LRRTM4: variants seen among roughly 807,000 people sequenced by gnomAD.
LRRTM4 encodes the protein leucine-rich repeat transmembrane neuronal protein 4.
In LRRTM4, 25 loss-of-function variants were observed where a neutral mutation model predicts 47.6. The observed-to-expected ratio is 0.53, with a 90% CI of 0.38 to 0.73. LRRTM4 has a LOEUF of 0.73. LRRTM4 is among the 30% of genes least tolerant of loss of function. The pLI is 0.00. For synonymous variants in LRRTM4, 311 were observed against 269.5 expected, an observed-to-expected ratio of 1.15 and a Z score of -1.51; for missense variants, 638 against 713.4, an observed-to-expected ratio of 0.89 and a Z score of 1.20.
intron 3 of LRRTM4, among the ~76,000 whole-genome samples, chr2:76,861,233 C>A (rs1489581966): frequency 2.0e-5 from 3 of 152,098 alleles, no homozygotes; most frequent in African/African-American, 4.8e-5. Flanking sequence ...AATTTATGTT[C>A]TTTATATTCA....
intron 3 of LRRTM4, among the ~76,000 whole-genome samples, chr2:77,248,555 T>G (rs1675514193): frequency 6.6e-6 from 1 of 151,996 alleles, no homozygotes; most frequent in African/African-American, 2.4e-5. Flanking sequence ...CTCTAAAGTT[T>G]ATACAGACAG....
intron 3 of LRRTM4, among the ~76,000 whole-genome samples, chr2:77,422,404 T>A (rs1416136960): frequency 1.3e-5 from 2 of 152,194 alleles, no homozygotes; most frequent in African/African-American, 4.8e-5. Context: ...TGCAGAAATG[T>A]AATAAATGGT....
chr2:77,186,420 T>C (rs1573052479), intron 3 of LRRTM4, among the ~76,000 whole-genome samples: 1 of 152,210 alleles, frequency 6.6e-6, no homozygotes, highest in Admixed American at 6.5e-5. Flanking sequence ...CTGGATTTTA[T>C]GCTCCTGGGT....
chr2:76,952,666 T>A (rs977151179), intron 3 of LRRTM4, among the ~76,000 whole-genome samples: 1 of 151,912 alleles, frequency 6.6e-6, no homozygotes, highest in Non-Finnish European at 1.5e-5. Flanking sequence ...GAGCTACTGT[T>A]TGACCCAGCA....
At chr2:77,400,978 G>A (rs55852857) in intron 3 of LRRTM4, among the ~76,000 whole-genome samples, 4,937 of 151,946 alleles carry the variant, frequency 0.032, 275 homozygotes, top group African/African-American at 0.11. Flanking sequence ...GTAAAATTTT[G>A]TTTGCTCATT....
chr2:77,137,348 C>A (rs896059089), intron 3 of LRRTM4, among the ~76,000 whole-genome samples: 3 of 151,862 alleles, frequency 2.0e-5, no homozygotes, highest in Non-Finnish European at 2.9e-5. Context: ...CAATTTTCAA[C>A]CCAGAATTTC....
chr2:77,398,476 A>G (rs1276568841), intron 3 of LRRTM4, among the ~76,000 whole-genome samples: 2 of 151,882 alleles, frequency 1.3e-5, no homozygotes, highest in African/African-American at 4.8e-5. Flanking sequence ...TCTACAATAT[A>G]GGAGACACAT....
chr2:76,790,705 C>A (rs1674925970), intron 3 of LRRTM4, among the ~76,000 whole-genome samples: 2 of 151,728 alleles, frequency 1.3e-5, no homozygotes, highest in African/African-American at 4.8e-5. Flanking sequence ...ATAGACCCCC[C>A]CCCACCACCT....
chr2:77,395,750 T>C (rs1016596787), intron 3 of LRRTM4, among the ~76,000 whole-genome samples: 2 of 151,892 alleles, frequency 1.3e-5, no homozygotes, highest in Non-Finnish European at 2.9e-5. Context: ...AGAGTCATTT[T>C]TGAAATATCT....
intron 3 of LRRTM4, among the ~76,000 whole-genome samples, chr2:77,316,902 C>A (rs1301150125): frequency 6.6e-6 from 1 of 152,118 alleles, no homozygotes; most frequent in Non-Finnish European, 1.5e-5. Context: ...TTAAATTGTG[C>A]CTGCCTTGCA....
Position 77,457,048 on chromosome 2 carries a change from AT to A in LRRTM4, c.1551+61269del, listed in dbSNP as rs1676588475. On this transcript the variant is annotated intron_variant, in intron 3 of 3. Coordinates refer to ENST00000409884, the MANE Select transcript of LRRTM4 (RefSeq NM_001134745.3). ...TATATATATATATATATATATATAT[AT>A]ATGTATAACCTGGAACTCTTTGACA... 5.5e-4 allele frequency among the ~76,000 whole-genome samples: 8 copies of A among 14,650 alleles called. 1 individual carries two copies. Among genetic ancestry groups the A allele is most frequent in the East Asian group, 2.9e-3 (2 of 700 alleles). 9.6% of individuals were successfully genotyped at this position (14,650 alleles called of 152,430 possible).
At chr2:76,800,329 C>A (rs62172131) in intron 3 of LRRTM4, among the ~76,000 whole-genome samples, 2 of 139,690 alleles carry the variant, frequency 1.4e-5, no homozygotes, top group South Asian at 2.4e-4. Context: ...CTTTGACAAA[C>A]CTGAGAAAAA....
At chr2:76,910,889 A>C (rs1674030389) in intron 3 of LRRTM4, among the ~76,000 whole-genome samples, 1 of 152,148 alleles carries the variant, frequency 6.6e-6, no homozygotes, top group Non-Finnish European at 1.5e-5. Flanking sequence ...CTGCGTCTGT[A>C]CTAAATAGCA....
At chr2:76,814,912 TAAAAC>T (rs1394268903) in intron 3 of LRRTM4, among the ~76,000 whole-genome samples, 5 of 151,726 alleles carry the variant, frequency 3.3e-5, no homozygotes, top group African/African-American at 7.3e-5. Flanking sequence ...AAAAATGAAA[TAAAAC>T]AAATAAAAGA....
At chr2:77,010,545 C>CACACACAG (rs370829024) in intron 3 of LRRTM4, among the ~76,000 whole-genome samples, 35 of 148,958 alleles carry the variant, frequency 2.3e-4, no homozygotes, top group South Asian at 1.7e-3. Flanking sequence ...CACACACACA[C>CACACACAG]AGTCTTTAAC....
intron 3 of LRRTM4, among the ~76,000 whole-genome samples, chr2:77,014,687 C>A (rs1343928702): frequency 1.3e-5 from 2 of 151,902 alleles, no homozygotes; most frequent in Non-Finnish European, 2.9e-5. Context: ...TGGTGGGCGC[C>A]TGTAATCCCA....
intron 3 of LRRTM4, among the ~76,000 whole-genome samples, chr2:76,862,272 C>A (rs1672335827): frequency 6.6e-6 from 1 of 152,050 alleles, no homozygotes; most frequent in African/African-American, 2.4e-5. Flanking sequence ...GTGCATAGTT[C>A]CTCTCAGGTG....
intron 3 of LRRTM4, among the ~76,000 whole-genome samples, chr2:77,364,460 C>T (rs930392256): frequency 1.3e-5 from 2 of 152,058 alleles, no homozygotes; most frequent in Admixed American, 6.6e-5. Flanking sequence ...CAGGCAAAAC[C>T]TATTGCCGGA....
At chr2:77,378,892 C>A (rs550418627) in intron 3 of LRRTM4, among the ~76,000 whole-genome samples, 1 of 152,226 alleles carries the variant, frequency 6.6e-6, no homozygotes, top group South Asian at 2.1e-4. Flanking sequence ...CCTTTACACA[C>A]AAGTGCTCAG....
Sources: gnomAD v4.1 joint callset for allele counts (sites outside exome capture counted in the v4.1 genomes callset) on GRCh38, gnomAD v4.1.1 for gene constraint, MANE v1.5 for transcripts, NCBI Gene and HGNC (gene_info 2026-07-23, HGNC 2026-07-21) for gene names.